IMPA1: variants seen among roughly 807,000 people sequenced by gnomAD.
The protein encoded by IMPA1 is D-galactose 1-phosphate phosphatase.
Under a neutral mutation model 34.9 loss-of-function variants are expected in IMPA1, and 21 were observed. That is an observed-to-expected ratio of 0.60 (90% CI 0.43 to 0.87). IMPA1 has a LOEUF of 0.87. Among genes scored for constraint, IMPA1 ranks in the 40% least tolerant of loss-of-function variants. IMPA1 has a pLI of 0.00. For synonymous variants in IMPA1, 95 were observed against 104.4 expected (o/e 0.91, Z 0.55); for missense variants, 299 against 336.4 (o/e 0.89, Z 0.87).
intron 5 of IMPA1, chr8:81,674,175 A>G (rs1056725556): frequency 3.6e-5 from 15 of 421,970 alleles, no homozygotes; most frequent in African/African-American, 2.0e-5. Flanking sequence ...AAGAACACCC[A>G]CCTTACTTCT....
chr8:81,682,547 C>A (rs1053406990), intron 1 of IMPA1, among the ~76,000 whole-genome samples: 2 of 151,798 alleles, frequency 1.3e-5, no homozygotes, highest in Non-Finnish European at 2.9e-5. Flanking sequence ...CTGATTAAAG[C>A]ATTTTTTAAA....
rs1488145194 is a variant in IMPA1, at chr8:81,660,560, C to A, written c.674G>T (p.Gly225Val). 2 of 1,613,836 alleles carry A rather than the reference C, an allele frequency of 1.2e-6. No individual in the cohort carries two copies. Among genetic ancestry groups the A allele is most frequent in the Non-Finnish European group, 1.7e-6 (2 of 1,179,780 alleles). Reference sequence around the variant, plus strand: ...GCCACCAGCTTCAGTAACAATAATGCCAGCTCCTGCAACATCCCAGCAGTG... The same window carrying A: ...GCCACCAGCTTCAGTAACAATAATGACAGCTCCTGCAACATCCCAGCAGTG... ...GIHCWDVAGA[G>V]IIVTEAGGVL... Residue 225 changes from glycine to valine, a missense_variant, in exon 8 of 9, where the codon GGC becomes GTC. Gly to Val is a moderately radical substitution (Grantham distance 109). Coordinates refer to ENST00000256108, the MANE Select transcript of IMPA1 (RefSeq NM_005536.4).
At chr8:81,664,677 T>C (rs571954091) in intron 7 of IMPA1, among the ~76,000 whole-genome samples, 1 of 150,852 alleles carries the variant, frequency 6.6e-6, no homozygotes, top group Non-Finnish European at 1.5e-5. Context: ...ATAGCAGAGA[T>C]GGTACTCCTT....
At chr8:81,680,580 A>G in intron 3 of IMPA1, 70 bp downstream of exon 3, 1 of 1,163,354 alleles carries the variant, frequency 8.6e-7, no homozygotes, top group Non-Finnish European at 1.3e-6. Flanking sequence ...TAGTCAAGCT[A>G]CTCTCATATG....
intron 3 of IMPA1, 106 bp downstream of exon 3, chr8:81,680,544 C>A: frequency 1.2e-6 from 1 of 812,814 alleles, no homozygotes. Context: ...ACTGTAACTT[C>A]ATGGAAGACC....
chr8:81,659,315 GA>G lies in IMPA1; in HGVS notation c.*35del, dbSNP rs1806597441. ...CCATTGATGAGTCACCAAATCTGGG[GA>G]AAAGCAACTGGGATTGACTATGAGG... is the stretch of plus-strand genomic sequence containing the variant. On this transcript the variant is annotated 3_prime_UTR_variant, in exon 9 of 9. Transcript: ENST00000256108. The G allele has an allele frequency of 3.3e-6, 4 of 1,195,748 alleles. No homozygotes were observed. The highest frequency in any genetic ancestry group is 2.0e-4 in the Middle Eastern group (1 of 5,110). 74.1% of individuals were successfully genotyped at this position (1,195,748 alleles called of 1,614,324 possible).
At position 81,673,834 on chromosome 8, in the gene IMPA1, A is replaced by G; in HGVS notation, c.457+7T>C. On this transcript the variant is annotated splice_region_variant and intron_variant, in intron 6 of 8. Transcript: ENST00000256108. Reference sequence around the variant, plus strand: ...TGAATAGCATCAAAAATTGGAATTAATCCTACCTTCTTGTTGTGAAACTTG... The same window carrying G: ...TGAATAGCATCAAAAATTGGAATTAGTCCTACCTTCTTGTTGTGAAACTTG... 6.6e-7 allele frequency: 1 copy of G among 1,524,654 alleles called. No individual in the cohort carries two copies. The highest frequency in any genetic ancestry group is 9.1e-7 in the Non-Finnish European group (1 of 1,099,206). The allele number at this position is 1,524,654 out of a possible 1,614,324, so 94.4% of individuals were successfully genotyped here.
Position 81,658,752 on chromosome 8 carries a change from C to T in IMPA1, c.*599G>A, listed in dbSNP as rs1222588103. On this transcript the variant is annotated 3_prime_UTR_variant, in exon 9 of 9. Coordinates refer to ENST00000256108, the MANE Select transcript of IMPA1 (RefSeq NM_005536.4). ...AAGCAAAAGTACAGAATGCTGAGTTCATTACTTTATGTATCTATTGTAACT... is the reference window on the plus strand; with the variant it reads ...AAGCAAAAGTACAGAATGCTGAGTTTATTACTTTATGTATCTATTGTAACT... The T allele has an allele frequency of 1.3e-5, 2 of 152,556 alleles. No individual in the cohort carries two copies. Among genetic ancestry groups the T allele is most frequent in the African/African-American group, 4.8e-5 (2 of 41,436 alleles). The allele number at this position is 152,556 out of a possible 1,614,324, so 9.5% of individuals were successfully genotyped here. A position where few individuals can be genotyped will look rare whatever the true frequency, so the allele number is the denominator to read the frequency against.
At chr8:81,668,044 C>T (rs1256740275) in intron 7 of IMPA1, among the ~76,000 whole-genome samples, 1 of 151,940 alleles carries the variant, frequency 6.6e-6, no homozygotes, top group Non-Finnish European at 1.5e-5. Flanking sequence ...AGGATGGTCT[C>T]GATCTCCTGA....
Position 81,656,997 on chromosome 8 carries a change from T to A in IMPA1, c.*2354A>T, listed in dbSNP as rs998266657. ...GTATGTATCTGTGTATGTATCCACA[T>A]GCAGAAAGATAATATACCCTGATAC... On this transcript the variant is annotated 3_prime_UTR_variant, in exon 9 of 9. Transcript: ENST00000256108. Among the ~76,000 whole-genome samples, 2 of 152,226 alleles carry A rather than the reference T, an allele frequency of 1.3e-5. No homozygotes were observed. The highest frequency in any genetic ancestry group is 2.9e-5 in the Non-Finnish European group (2 of 68,026).
intron 6 of IMPA1, among the ~76,000 whole-genome samples, chr8:81,672,824 T>A (rs1010829310): frequency 1.3e-5 from 2 of 152,198 alleles, no homozygotes; most frequent in Non-Finnish European, 2.9e-5. Context: ...AACGGGCTTT[T>A]TTTCCACCCA....
intron 6 of IMPA1, among the ~76,000 whole-genome samples, chr8:81,673,374 C>A (rs1450245956): frequency 6.6e-6 from 1 of 152,176 alleles, no homozygotes; most frequent in African/African-American, 2.4e-5. Context: ...CTGAACACCG[C>A]CCCCTTCCCC....
chr8:81,663,961 C>A (rs1806747280), intron 7 of IMPA1, among the ~76,000 whole-genome samples: 1 of 152,136 alleles, frequency 6.6e-6, no homozygotes, highest in Non-Finnish European at 1.5e-5. Flanking sequence ...ATCACTTGAA[C>A]CCCGGAGGCG....
rs545738317 is a variant in IMPA1, at chr8:81,679,028, T to C, written c.302+98A>G. Reference sequence around the variant, plus strand: ...AGAATAAAGAAGCATAAACGAAGTATACAATTTTCTAAAGTGTACATGTTC... The same window carrying C: ...AGAATAAAGAAGCATAAACGAAGTACACAATTTTCTAAAGTGTACATGTTC... On this transcript the variant is annotated intron_variant, in intron 4 of 8. Transcript: ENST00000256108. 4.2e-5 allele frequency: 30 copies of C among 715,404 alleles called. No homozygotes were observed. The East Asian group carries it at 5.7e-4, about 14-fold the overall frequency. The allele number at this position is 715,404 out of a possible 1,614,324, so 44.3% of individuals were successfully genotyped here.
intron 1 of IMPA1, among the ~76,000 whole-genome samples, chr8:81,682,051 G>C (rs893604457): frequency 2.0e-5 from 3 of 151,382 alleles, no homozygotes; most frequent in East Asian, 1.9e-4. Context: ...GAAATAATTT[G>C]CCCAAAATTA....
intron 7 of IMPA1, among the ~76,000 whole-genome samples, chr8:81,667,657 A>G (rs1353328328): frequency 6.6e-6 from 1 of 152,136 alleles, no homozygotes; most frequent in Non-Finnish European, 1.5e-5. Flanking sequence ...GGAATGCCTT[A>G]GAGATTGAGT....
intron 3 of IMPA1, among the ~76,000 whole-genome samples, chr8:81,680,312 T>C (rs574777639): frequency 6.6e-6 from 1 of 152,322 alleles, no homozygotes; most frequent in African/African-American, 2.4e-5. Context: ...TTGCATCTGG[T>C]TCACTCTGTT....
chr8:81,671,987 A>G (rs559871485), intron 6 of IMPA1, among the ~76,000 whole-genome samples: 1 of 152,328 alleles, frequency 6.6e-6, no homozygotes, highest in East Asian at 1.9e-4. Context: ...TATCAAAGCT[A>G]CCATATTCCT....
chr8:81,667,170 T>A (rs1429530172), intron 7 of IMPA1, among the ~76,000 whole-genome samples: 1 of 152,132 alleles, frequency 6.6e-6, no homozygotes, highest in Non-Finnish European at 1.5e-5. Context: ...ATATACTGAA[T>A]GTCATACCCT....
Sources: allele counts gnomAD v4.1 joint callset (sites outside exome capture counted in the v4.1 genomes callset), GRCh38; gene constraint gnomAD v4.1.1; transcripts MANE v1.5; gene names NCBI Gene and HGNC (gene_info 2026-07-23, HGNC 2026-07-21).